IMMP2L: variants seen among roughly 807,000 people sequenced by gnomAD.
IMMP2L encodes mitochondrial inner membrane protease subunit 2.
IMMP2L carries 18 observed loss-of-function variants against 19.3 expected under a neutral mutation model. That is an observed-to-expected ratio of 0.93 (90% CI 0.64 to 1.38). IMMP2L has a LOEUF of 1.38. IMMP2L is among the 40% of genes most tolerant of loss of function. The probability of loss-of-function intolerance (pLI) is 0.00; values close to 1 mark genes in which losing one functional copy is unlikely to be tolerated. For missense variants in IMMP2L, 233 were observed against 218.2 expected, an observed-to-expected ratio of 1.07 and a Z score of -0.43; for synonymous variants, 76 against 73.0, an observed-to-expected ratio of 1.04 and a Z score of -0.21.
intron 4 of IMMP2L, among the ~76,000 whole-genome samples, chr7:110,953,312 T>C (rs2129554419): frequency 6.6e-6 from 1 of 152,040 alleles, no homozygotes; most frequent in Admixed American, 6.6e-5. Context: ...GCTGTCCCTC[T>C]CCTTGTCCCC....
At chr7:111,298,017 T>C (rs253374) in intron 3 of IMMP2L, among the ~76,000 whole-genome samples, 14,313 of 152,088 alleles carry the variant, frequency 0.094, 733 homozygotes, top group African/African-American at 0.12. Flanking sequence ...TTGTCAAAAC[T>C]CACTATACAT....
chr7:111,465,501 T>TAAAAAAA (rs757362734), intron 3 of IMMP2L, among the ~76,000 whole-genome samples: 38 of 64,056 alleles, frequency 5.9e-4, no homozygotes, highest in East Asian at 2.1e-3. Flanking sequence ...CAGGTGTCAC[T>TAAAAAAA]AAAAAAAAAA....
chr7:110,680,275 C>T (rs1215739002), intron 5 of IMMP2L, among the ~76,000 whole-genome samples: 1 of 152,106 alleles, frequency 6.6e-6, no homozygotes, highest in East Asian at 1.9e-4. Context: ...AAGATCTGTT[C>T]TAAGTTGTTT....
intron 1 of IMMP2L, among the ~76,000 whole-genome samples, chr7:111,528,942 C>G (rs1013693366): frequency 3.3e-5 from 5 of 152,074 alleles, no homozygotes; most frequent in African/African-American, 1.2e-4. Flanking sequence ...ACACACAATT[C>G]CTGAATCAGT....
chr7:111,416,346 A>C (rs1366956691), intron 3 of IMMP2L, among the ~76,000 whole-genome samples: 1 of 151,878 alleles, frequency 6.6e-6, no homozygotes, highest in East Asian at 1.9e-4. Context: ...GTACTAAACA[A>C]TATGCATGCT....
At chr7:111,547,033 G>A (rs1284823490) in intron 1 of IMMP2L, among the ~76,000 whole-genome samples, 1 of 152,078 alleles carries the variant, frequency 6.6e-6, no homozygotes, top group East Asian at 1.9e-4. Context: ...GGTCTTTTAG[G>A]CCAATTTAAG....
At chr7:111,507,899 T>C (rs1195821461) in intron 2 of IMMP2L, among the ~76,000 whole-genome samples, 10 of 152,090 alleles carry the variant, frequency 6.6e-5, no homozygotes, top group Non-Finnish European at 1.3e-4. Context: ...AGCCTGAGTT[T>C]TTACATGTAC....
chr7:110,844,139 T>C (rs1042368380), intron 5 of IMMP2L, among the ~76,000 whole-genome samples: 4 of 152,216 alleles, frequency 2.6e-5, no homozygotes, highest in Admixed American at 6.5e-5. Flanking sequence ...CAGTGTGCGC[T>C]GGCTAGTGTA....
chr7:110,935,535 T>C (rs1282039987), intron 4 of IMMP2L, among the ~76,000 whole-genome samples: 1 of 152,152 alleles, frequency 6.6e-6, no homozygotes, highest in Non-Finnish European at 1.5e-5. Flanking sequence ...TGAATTTGAA[T>C]GTTGATCTGT....
intron 3 of IMMP2L, among the ~76,000 whole-genome samples, chr7:111,428,297 A>G (rs1836281594): frequency 6.6e-6 from 1 of 151,812 alleles, no homozygotes; most frequent in Non-Finnish European, 1.5e-5. Flanking sequence ...GATAAAGACT[A>G]AAGCAGTAGA....
At chr7:110,988,954 T>C (rs1822152194) in intron 3 of IMMP2L, among the ~76,000 whole-genome samples, 2 of 152,090 alleles carry the variant, frequency 1.3e-5, no homozygotes, top group African/African-American at 2.4e-5. Context: ...ATATGTTCTT[T>C]TGCCAGGTGC....
At chr7:110,936,029 A>C (rs2129552348) in intron 4 of IMMP2L, among the ~76,000 whole-genome samples, 1 of 152,324 alleles carries the variant, frequency 6.6e-6, no homozygotes, top group African/African-American at 2.4e-5. Context: ...CCTTCCTTAC[A>C]ACTTATACAA....
intron 3 of IMMP2L, among the ~76,000 whole-genome samples, chr7:111,192,532 A>G (rs1205257870): frequency 6.6e-6 from 1 of 152,104 alleles, no homozygotes; most frequent in African/African-American, 2.4e-5. Context: ...ATCTTAATAA[A>G]ATTAAGTGAA....
At chr7:111,166,524 C>A (rs1399525405) in intron 3 of IMMP2L, among the ~76,000 whole-genome samples, 2 of 152,026 alleles carry the variant, frequency 1.3e-5, no homozygotes, top group East Asian at 3.9e-4. Flanking sequence ...GCCTCCATTA[C>A]CCTAAGGTAG....
At chr7:110,756,539 T>C (rs887195197) in intron 5 of IMMP2L, among the ~76,000 whole-genome samples, 1 of 152,056 alleles carries the variant, frequency 6.6e-6, no homozygotes, top group African/African-American at 2.4e-5. Context: ...CTGCAGAGTC[T>C]GAATAGTCAG....
At chr7:111,445,294 G>C (rs910547314) in intron 3 of IMMP2L, among the ~76,000 whole-genome samples, 14 of 152,040 alleles carry the variant, frequency 9.2e-5, no homozygotes, top group African/African-American at 3.1e-4. Context: ...TTCCACTACA[G>C]GTGCTCTCAG....
chr7:110,835,768 T>C (rs1804394831), intron 5 of IMMP2L, among the ~76,000 whole-genome samples: 1 of 149,980 alleles, frequency 6.7e-6, no homozygotes, highest in Non-Finnish European at 1.5e-5. Flanking sequence ...AACAGAAGAT[T>C]AGAACTCTTT....
intron 3 of IMMP2L, among the ~76,000 whole-genome samples, chr7:111,113,041 T>C (rs1056330654): frequency 6.6e-6 from 1 of 152,198 alleles, no homozygotes; most frequent in Admixed American, 6.5e-5. Context: ...AACCATATTT[T>C]ATTATATGCA....
At chr7:111,067,466 G>A (rs1794609283) in intron 3 of IMMP2L, among the ~76,000 whole-genome samples, 1 of 152,186 alleles carries the variant, frequency 6.6e-6, no homozygotes, top group Non-Finnish European at 1.5e-5. Flanking sequence ...ATTTACGAAT[G>A]TGCTTCTCCC....
Sources: allele counts gnomAD v4.1 joint callset (sites outside exome capture counted in the v4.1 genomes callset), GRCh38; gene constraint gnomAD v4.1.1; transcripts MANE v1.5; gene names NCBI Gene and HGNC (gene_info 2026-07-23, HGNC 2026-07-21).